EFCC1: variants seen among roughly 807,000 people sequenced by gnomAD.
The protein encoded by EFCC1 is EF-hand and coiled-coil domain containing 1, also known as EF-hand and coiled-coil domain-containing protein 1.
EFCC1 carries 50 observed loss-of-function variants against 52.1 expected under a neutral mutation model. The observed-to-expected ratio is 0.96, with a 90% CI of 0.76 to 1.21. The LOEUF (loss-of-function observed/expected upper bound fraction) is 1.21. Ranked by LOEUF, EFCC1 falls within the 50% of genes most tolerant of loss-of-function variation. The pLI is 0.00. For missense variants in EFCC1, 837 were observed against 867.3 expected, an observed-to-expected ratio of 0.97 and a Z score of 0.44; for synonymous variants, 399 against 396.5, an observed-to-expected ratio of 1.01 and a Z score of -0.08.
chr3:129,006,602 C>T (rs1454160085), intron 2 of EFCC1, among the ~76,000 whole-genome samples: 1 of 152,186 alleles, frequency 6.6e-6, no homozygotes, highest in African/African-American at 2.4e-5. Flanking sequence ...AGGTGTGAGC[C>T]ACTGTGCCCG....
rs58573673 is a variant in EFCC1, at chr3:129,014,429, C to A, written c.980+10352C>A. 0.16 allele frequency among the ~76,000 whole-genome samples: 24,951 copies of A among 152,202 alleles called. 6,065 individuals are homozygous for A. The highest frequency in any genetic ancestry group is 0.53 in the African/African-American group (22,159 of 41,470). On this transcript the variant is annotated intron_variant, in intron 2 of 7. Transcript: ENST00000683648. This position sits in a 1 kb window ranked among gnomAD's most constrained non-coding sequence, Gnocchi z 4.3. ...TGCGGCCTCTCTCCTGGGCTGGCAG[C>A]CAGGGCCGCCTTCTCCCTGTATCCT...
At position 129,034,235 on chromosome 3, in the gene EFCC1, C is replaced by G. The variant is rs1284494804; in HGVS notation, c.1358C>G (p.Thr453Ser). Reference protein sequence around the residue: ...GHFGGANHAHTLGELEACIAM... With the variant: ...GHFGGANHAHSLGELEACIAM... Reference sequence around the variant, plus strand: ...TTCGGCGGTGCCAACCATGCCCATACCCTGGGGGAGCTGGAGGCCTGCATT... The same window carrying G: ...TTCGGCGGTGCCAACCATGCCCATAGCCTGGGGGAGCTGGAGGCCTGCATT... Residue 453 changes from threonine (T) to serine (S), a missense_variant, in exon 5 of 8, where the codon ACC becomes AGC. Physicochemically the swap from Thr to Ser is moderately conservative, Grantham distance 58 (BLOSUM62 1). Coordinates refer to ENST00000683648, the MANE Select transcript of EFCC1 (RefSeq NM_001377500.1). The G allele has an allele frequency of 6.2e-7, 1 of 1,614,204 alleles. No homozygotes were observed. The highest frequency in any genetic ancestry group is 8.5e-7 in the Non-Finnish European group (1 of 1,180,038).
At chr3:129,013,670 C>G (rs1425575601) in intron 2 of EFCC1, among the ~76,000 whole-genome samples, 1 of 152,226 alleles carries the variant, frequency 6.6e-6, no homozygotes, top group East Asian at 1.9e-4. Context: ...GGAAATGGAG[C>G]ATGCTGACTG....
intron 2 of EFCC1, among the ~76,000 whole-genome samples, chr3:129,016,826 C>T (rs937409513): frequency 1.3e-5 from 2 of 152,170 alleles, no homozygotes; most frequent in African/African-American, 4.8e-5. Flanking sequence ...ATCTGTACAA[C>T]CTTATTGCAC....
chr3:129,003,556 CGTT>C (rs1559954237), intron 1 of EFCC1, among the ~76,000 whole-genome samples: 1 of 149,528 alleles, frequency 6.7e-6, no homozygotes, highest in African/African-American at 2.5e-5. Flanking sequence ...AGTGAAAAAA[CGTT>C]GGGGGGTGGG....
At chr3:129,035,520 TAGC>T (rs1946343905) in intron 5 of EFCC1, among the ~76,000 whole-genome samples, 1 of 152,178 alleles carries the variant, frequency 6.6e-6, no homozygotes, top group African/African-American at 2.4e-5. Flanking sequence ...AGACAGAAGG[TAGC>T]AGGCCCTGGA....
At position 129,011,744 on chromosome 3, in the gene EFCC1, G is replaced by A. The variant is rs138792295; in HGVS notation, c.980+7667G>A. ...GAAACCTGCCCTCATTCAAATACAT[G>A]CCCCCAGCTGCACTTCTCGGAGGAC... On this transcript the variant is annotated intron_variant, in intron 2 of 7. Transcript: ENST00000683648. Among the ~76,000 whole-genome samples, 748 of 151,862 alleles carry A rather than the reference G, an allele frequency of 4.9e-3. 7 individuals carry two copies. The highest frequency in any genetic ancestry group is 0.017 in the African/African-American group (711 of 41,416).
At chr3:129,032,706 G>C in intron 3 of EFCC1, 113 bp from the exon 4 acceptor site, 2 of 1,423,982 alleles carry the variant, frequency 1.4e-6, no homozygotes, top group Non-Finnish European at 1.9e-6. Flanking sequence ...TGTCTCAAGA[G>C]GGGACATGGC....
intron 2 of EFCC1, among the ~76,000 whole-genome samples, chr3:129,011,899 A>C (rs1165627038): frequency 1.3e-5 from 2 of 152,226 alleles, no homozygotes; most frequent in Non-Finnish European, 2.9e-5. Context: ...TGCATCCTTC[A>C]GAGAAGGAAG....
chr3:129,037,506 T>C (rs1559977277), intron 6 of EFCC1, among the ~76,000 whole-genome samples: 1 of 152,210 alleles, frequency 6.6e-6, no homozygotes, highest in African/African-American at 2.4e-5. Flanking sequence ...CAAGTTGGAC[T>C]TATCCTACAA....
chr3:129,002,373 G>A, intron 1 of EFCC1, 49 bp downstream of exon 1: 2 of 1,487,470 alleles, frequency 1.3e-6, no homozygotes, highest in Non-Finnish European at 1.8e-6. Context: ...GAGAGGGCTC[G>A]AACTAAAAGC....
intron 4 of EFCC1, among the ~76,000 whole-genome samples, chr3:129,033,396 G>A (rs1323749132): frequency 6.6e-6 from 1 of 152,110 alleles, no homozygotes; most frequent in Non-Finnish European, 1.5e-5. Context: ...AGGACACCTG[G>A]GACACCTCAG....
intron 5 of EFCC1, 60 bp downstream of exon 5, chr3:129,034,389 G>A (rs2107938836): frequency 1.9e-6 from 3 of 1,564,596 alleles, no homozygotes; most frequent in South Asian, 2.3e-5. Context: ...CAGCTGGAAG[G>A]GTCTGAGGGA....
intron 5 of EFCC1, among the ~76,000 whole-genome samples, 161 bp downstream of exon 5, chr3:129,034,490 T>C (rs1946331151): frequency 1.3e-5 from 2 of 152,176 alleles, no homozygotes; most frequent in South Asian, 4.1e-4. Context: ...ATAAGAAATA[T>C]TTTGGTTGCA....
chr3:129,017,967 A>G (rs1170590774), intron 2 of EFCC1, among the ~76,000 whole-genome samples: 1 of 152,156 alleles, frequency 6.6e-6, no homozygotes, highest in Non-Finnish European at 1.5e-5. Flanking sequence ...GCTGCAAACA[A>G]CAGAAATCAA....
Position 129,018,686 on chromosome 3 carries a change from C to A in EFCC1, c.981-12017C>A, listed in dbSNP as rs550272009. Among the ~76,000 whole-genome samples the A allele has an allele frequency of 7.5e-4, 115 of 152,340 alleles. 1 individual carries two copies. The highest frequency in any genetic ancestry group is 1.2e-3 in the Non-Finnish European group (85 of 68,022). ...TTCTGAGCAGGGGACTGGGCAGGGG[C>A]AGGGATGGACTCTCTCACCTCTTGT... On this transcript the variant is annotated intron_variant, in intron 2 of 7. Coordinates refer to ENST00000683648, the MANE Select transcript of EFCC1 (RefSeq NM_001377500.1).
chr3:129,018,932 C>T (rs1945709172), intron 2 of EFCC1, among the ~76,000 whole-genome samples: 1 of 152,206 alleles, frequency 6.6e-6, no homozygotes, highest in South Asian at 2.1e-4. Context: ...CTTTTCCCCT[C>T]TGCAAACTCC....
At position 129,035,514 on chromosome 3, in the gene EFCC1, A is replaced by G. The variant is rs1018711521; in HGVS notation, c.1452+1185A>G. ...AGTGCATGAAATCAGAGACCAAGACAGAAGGTAGCAGGCCCTGGAGCGCTG... is the reference window on the plus strand; with the variant it reads ...AGTGCATGAAATCAGAGACCAAGACGGAAGGTAGCAGGCCCTGGAGCGCTG... On this transcript the variant is annotated intron_variant, in intron 5 of 7. Coordinates refer to ENST00000683648, the MANE Select transcript of EFCC1 (RefSeq NM_001377500.1). 4.6e-5 allele frequency among the ~76,000 whole-genome samples: 7 copies of G among 152,248 alleles called. 1 individual carries two copies. Among genetic ancestry groups the G allele is most frequent in the Admixed American group, 4.6e-4 (7 of 15,288 alleles).
At chr3:129,004,424 CA>C (rs952468976) in intron 2 of EFCC1, among the ~76,000 whole-genome samples, 1 of 135,790 alleles carries the variant, frequency 7.4e-6, no homozygotes, top group Admixed American at 7.4e-5. Context: ...CCCATTCATC[CA>C]TCCACCTATC....
Sources: gnomAD v4.1 joint callset for allele counts (sites outside exome capture counted in the v4.1 genomes callset) on GRCh38, gnomAD v4.1.1 for gene constraint, Gnocchi (gnomAD v3.1) non-coding constraint, MANE v1.5 for transcripts, NCBI Gene and HGNC (gene_info 2026-07-23, HGNC 2026-07-21) for gene names.